HMCN1: variants seen among roughly 807,000 people sequenced by gnomAD.
The protein encoded by HMCN1 is hemicentin 1.
In HMCN1, 321 loss-of-function variants were observed where a neutral mutation model predicts 625.9. That is an observed-to-expected ratio of 0.51 (90% CI 0.47 to 0.56). The LOEUF (loss-of-function observed/expected upper bound fraction) is 0.56, where lower values mean the gene tolerates loss of function less well. Ranked by LOEUF, HMCN1 falls within the 20% of genes least tolerant of loss-of-function variation. HMCN1 has a pLI of 0.00. For synonymous variants in HMCN1, 2,425 were observed against 2,417.6 expected (o/e 1.00, Z -0.09); for missense variants, 6,588 against 6,887.3 (o/e 0.96, Z 1.54).
chr1:185,996,462 C>A (rs1192534758), intron 24 of HMCN1, among the ~76,000 whole-genome samples: 1 of 152,086 alleles, frequency 6.6e-6, no homozygotes, highest in Non-Finnish European at 1.5e-5. Context: ...TATCCAAGAC[C>A]TAGGAAGCCA....
chr1:185,863,033 A>T (rs1201646276), intron 2 of HMCN1, among the ~76,000 whole-genome samples: 8 of 152,180 alleles, frequency 5.3e-5, no homozygotes, highest in African/African-American at 1.9e-4. Flanking sequence ...TATGACCCTG[A>T]TTAGATCTAT....
intron 60 of HMCN1, 44 bp downstream of exon 60, chr1:186,087,689 G>T: frequency 6.4e-7 from 1 of 1,569,810 alleles, no homozygotes. Context: ...ACCTTGGTGG[G>T]GTGGTGGAAA....
In HMCN1 at chr1:185,735,010, T is replaced by A. The variant is rs376088038; in HGVS notation, c.231T>A (p.Pro77=). The A allele has an allele frequency of 1.2e-6, 2 of 1,614,064 alleles. No homozygotes were observed. The highest frequency in any genetic ancestry group is 1.1e-5 in the South Asian group (1 of 91,086). Residue 77 remains proline (P), a synonymous_variant, in exon 1 of 107, where the codon CCT becomes CCA. Coordinates refer to ENST00000271588, the MANE Select transcript of HMCN1 (RefSeq NM_031935.3). The part of the protein sequence containing the change: ...LETSLKRPKR[P]LFNFALVPFH... ...CGTCTTTGAAAAGACCTAAAAGACC[T>A]CTTTTCAACTTTGCGTTGGTGCCTT...
intron 1 of HMCN1, among the ~76,000 whole-genome samples, chr1:185,751,447 C>T (rs773071145): frequency 7.2e-5 from 11 of 151,968 alleles, no homozygotes; most frequent in Non-Finnish European, 1.2e-4. Context: ...TCTCTGTCTT[C>T]CTATTTCTGC....
At position 186,076,610 on chromosome 1, in the gene HMCN1, T is replaced by A; in HGVS notation, c.8473T>A (p.Leu2825Met). Residue 2825 changes from leucine to methionine, a missense_variant, in exon 54 of 107, where the codon TTG (leucine) becomes ATG (methionine). Transcript: ENST00000271588. ...GHPLTSSDKV[L>M]ILPGGRVLQI... ...CCCTCTGACCTCAAGTGATAAAGTA[T>A]TGATTTTGCCAGGTAAAGATTGATA... 1.2e-6 allele frequency: 2 copies of A among 1,613,308 alleles called. No individual in the cohort carries two copies. The highest frequency in any genetic ancestry group is 1.7e-6 in the Non-Finnish European group (2 of 1,179,706).
intron 11 of HMCN1, among the ~76,000 whole-genome samples, chr1:185,960,385 T>A (rs1649930717): frequency 6.6e-6 from 1 of 152,114 alleles, no homozygotes; most frequent in African/African-American, 2.4e-5. Context: ...CGCCTCAGCC[T>A]CCCAAAGTGT....
intron 1 of HMCN1, among the ~76,000 whole-genome samples, chr1:185,836,547 T>C (rs1661182764): frequency 6.6e-6 from 1 of 152,192 alleles, no homozygotes; most frequent in Non-Finnish European, 1.5e-5. Context: ...TTCTCCATTT[T>C]GACTTTATTG....
At chr1:185,885,283 C>T (rs989011930) in intron 4 of HMCN1, among the ~76,000 whole-genome samples, 7 of 151,548 alleles carry the variant, frequency 4.6e-5, no homozygotes, top group African/African-American at 1.5e-4. Flanking sequence ...CAAACTCATC[C>T]GAGGAAGTAC....
At chr1:185,938,567 A>G (rs550144874) in intron 11 of HMCN1, among the ~76,000 whole-genome samples, 7 of 152,300 alleles carry the variant, frequency 4.6e-5, no homozygotes, top group Admixed American at 1.3e-4. Context: ...CCTAGATCTC[A>G]TGACCCACAG....
intron 104 of HMCN1, among the ~76,000 whole-genome samples, chr1:186,181,619 T>TA (rs1253790121): frequency 9.2e-5 from 14 of 152,032 alleles, no homozygotes; most frequent in Admixed American, 2.0e-4. Context: ...TTGAATTGTA[T>TA]AAAAAAAGAG....
Position 186,006,071 on chromosome 1 carries a change from G to A in HMCN1, c.4476-1057G>A, listed in dbSNP as rs1653612839. Among the ~76,000 whole-genome samples the A allele has an allele frequency of 2.0e-5, 3 of 151,564 alleles. No homozygotes were observed. In the South Asian group the frequency reaches 6.3e-4, roughly 32 times the overall value. On this transcript the variant is annotated intron_variant, in intron 29 of 106. Transcript: ENST00000271588. ...GAATCGCTTGAACCCAGGAGGCAGA[G>A]GTTGCAGTGAGCTGAAATAGCACCA...
chr1:186,089,438 C>T (rs556677314), intron 63 of HMCN1, among the ~76,000 whole-genome samples: 1 of 151,998 alleles, frequency 6.6e-6, no homozygotes, highest in East Asian at 1.9e-4. Flanking sequence ...ATGAATATTA[C>T]GTATCTGTTG....
chr1:185,957,411 G>T (rs1649704475), intron 11 of HMCN1, among the ~76,000 whole-genome samples: 1 of 152,172 alleles, frequency 6.6e-6, no homozygotes, highest in South Asian at 2.1e-4. Flanking sequence ...CTGAGTAAAG[G>T]TTACATAAGT....
At chr1:186,147,026 C>CTTAGGACTAAGGATAAGAACCA (rs1305800789) in intron 93 of HMCN1, among the ~76,000 whole-genome samples, 1 of 152,194 alleles carries the variant, frequency 6.6e-6, no homozygotes. Context: ...TTTCTCCCTG[C>CTTAGGACTAAGGATAAGAACCA]TTAGGACTAA....
intron 9 of HMCN1, among the ~76,000 whole-genome samples, chr1:185,927,041 G>T (rs1316820229): frequency 1.3e-5 from 2 of 152,128 alleles, no homozygotes; most frequent in African/African-American, 4.8e-5. Flanking sequence ...TTAGTAAACT[G>T]GTTGTATGTC....
chr1:185,815,191 A>G (rs1659767179), intron 1 of HMCN1, among the ~76,000 whole-genome samples: 1 of 150,348 alleles, frequency 6.7e-6, no homozygotes. Context: ...TTGAAGAACC[A>G]TATCCTGAGA....
In HMCN1 at chr1:186,119,826, G is replaced by A. The variant is rs1558237812; in HGVS notation, c.12038G>A (p.Gly4013Glu). 2 of 1,613,908 alleles carry A rather than the reference G, an allele frequency of 1.2e-6. No homozygotes were observed. Among genetic ancestry groups the A allele is most frequent in the Admixed American group, 1.7e-5 (1 of 59,992 alleles). ...NPILLPCEAT[G>E]TPSPFITWQK... ...ATTTTATTACCATGTGAAGCAACAGGGACACCCAGTCCTTTCATTACTTGG... is the reference window on the plus strand; with the variant it reads ...ATTTTATTACCATGTGAAGCAACAGAGACACCCAGTCCTTTCATTACTTGG... Residue 4013 changes from glycine to glutamate, a missense_variant, in exon 79 of 107, where the codon GGG becomes GAG. Coordinates refer to ENST00000271588, the MANE Select transcript of HMCN1 (RefSeq NM_031935.3).
At chr1:185,961,166 G>A (rs1358779939) in intron 11 of HMCN1, among the ~76,000 whole-genome samples, 1 of 152,172 alleles carries the variant, frequency 6.6e-6, no homozygotes, top group East Asian at 1.9e-4. Context: ...CTAGCAATTA[G>A]GCACTAATTA....
intron 2 of HMCN1, among the ~76,000 whole-genome samples, chr1:185,854,048 G>A (rs1404894390): frequency 6.6e-6 from 1 of 152,126 alleles, no homozygotes; most frequent in Non-Finnish European, 1.5e-5. Context: ...ATCTGATTTT[G>A]TTAGTTTTTA....
Sources: gnomAD v4.1 joint callset for allele counts (sites outside exome capture counted in the v4.1 genomes callset) on GRCh38, gnomAD v4.1.1 for gene constraint, MANE v1.5 for transcripts, NCBI Gene and HGNC (gene_info 2026-07-23, HGNC 2026-07-21) for gene names.